Variants in CCDC191 observed in about 807,000 individuals in gnomAD.
CCDC191 encodes coiled-coil domain-containing protein 191.
A neutral mutation model predicts 114.0 loss-of-function variants in CCDC191; 99 were observed. The ratio of observed to expected loss-of-function variants is 0.87; its 90% CI spans 0.74 to 1.03. The LOEUF (loss-of-function observed/expected upper bound fraction) is 1.03. Among genes scored for constraint, CCDC191 ranks in the 50% least tolerant of loss-of-function variants. CCDC191 has a pLI of 0.00. For missense variants in CCDC191, 973 were observed against 1,087.0 expected (o/e 0.90, Z 1.47); for synonymous variants, 351 against 376.0 (o/e 0.93, Z 0.77).
At chr3:113,987,222 T>C (rs1468720429) in intron 13 of CCDC191, among the ~76,000 whole-genome samples, 1 of 148,282 alleles carries the variant, frequency 6.7e-6, no homozygotes, top group African/African-American at 2.5e-5. Context: ...CTCAGACAAA[T>C]AAAAACTGAA....
intron 16 of CCDC191, among the ~76,000 whole-genome samples, chr3:113,967,469 A>T (rs1940322419): frequency 3.3e-5 from 5 of 151,864 alleles, no homozygotes. Context: ...CTGGTTTGGC[A>T]CTTATTTATA....
chr3:114,031,950 C>T (rs1001368994), intron 6 of CCDC191, among the ~76,000 whole-genome samples, 171 bp from the exon 7 acceptor site: 1 of 151,872 alleles, frequency 6.6e-6, no homozygotes, highest in African/African-American at 2.4e-5. Flanking sequence ...TTATTTTATT[C>T]CTTTATAAAA....
At chr3:114,046,156 G>A (rs2076626464) in intron 3 of CCDC191, among the ~76,000 whole-genome samples, 2 of 152,162 alleles carry the variant, frequency 1.3e-5, no homozygotes, top group Admixed American at 1.3e-4. Flanking sequence ...GAGTTCCCCA[G>A]GGCATCAGTA....
intron 7 of CCDC191, among the ~76,000 whole-genome samples, chr3:114,027,804 C>T (rs1000162439): frequency 3.3e-5 from 5 of 152,130 alleles, no homozygotes; most frequent in African/African-American, 9.7e-5. Flanking sequence ...GTTATCTAGT[C>T]ACTCCCTGCA....
intron 13 of CCDC191, among the ~76,000 whole-genome samples, chr3:113,983,079 G>T (rs2075226243): frequency 6.6e-6 from 1 of 152,094 alleles, no homozygotes; most frequent in Non-Finnish European, 1.5e-5. Flanking sequence ...CCTAGGTCAT[G>T]AATGCTTGCT....
intron 9 of CCDC191, among the ~76,000 whole-genome samples, chr3:114,009,019 G>C (rs1214009417): frequency 6.6e-6 from 1 of 152,080 alleles, no homozygotes; most frequent in Non-Finnish European, 1.5e-5. Context: ...AATACTGTAG[G>C]CAACTGTAAC....
At chr3:114,040,081 T>C (rs988219624) in intron 4 of CCDC191, among the ~76,000 whole-genome samples, 4 of 152,206 alleles carry the variant, frequency 2.6e-5, no homozygotes, top group Non-Finnish European at 5.9e-5. Flanking sequence ...TTTTACCCTT[T>C]ATATACTGCA....
Position 114,018,858 on chromosome 3 carries a change from C to A in CCDC191, c.983G>T (p.Arg328Leu). 1 of 1,613,422 alleles carries A rather than the reference C, an allele frequency of 6.2e-7. No homozygotes were observed. The highest frequency in any genetic ancestry group is 8.5e-7 in the Non-Finnish European group (1 of 1,179,648). Residue 328 changes from arginine to leucine, a missense_variant, in exon 8 of 17, where the codon CGG (arginine) becomes CTG (leucine). Physicochemically the swap from Arg to Leu is moderately radical, Grantham distance 102 (BLOSUM62 -2). Transcript: ENST00000295878. ...TFKENQQCQK[R>L]YFAAWHKLIL... ...CAGCTTGTGCCAGGCAGCGAAATAC[C>A]GTTTTTGACACTGCAGCGGAAATAT...
intron 16 of CCDC191, among the ~76,000 whole-genome samples, chr3:113,974,611 G>A (rs563698788): frequency 4.6e-5 from 7 of 152,266 alleles, no homozygotes; most frequent in South Asian, 4.2e-4. Context: ...GAGCCACCAC[G>A]CCCGGCCAAC....
At chr3:113,980,879 A>G (rs947003088) in intron 13 of CCDC191, 86 bp from the exon 14 acceptor site, 17 of 1,251,610 alleles carry the variant, frequency 1.4e-5, no homozygotes, top group African/African-American at 1.5e-5. Context: ...TAATTTGAAC[A>G]TGTAACCATT....
intron 7 of CCDC191, among the ~76,000 whole-genome samples, chr3:114,024,781 C>T (rs1643957986): frequency 6.6e-6 from 1 of 152,138 alleles, no homozygotes; most frequent in Non-Finnish European, 1.5e-5. Flanking sequence ...GGCACACCAA[C>T]ATGGCACATA....
Position 114,036,650 on chromosome 3 carries a change from C to T in CCDC191, c.552G>A (p.Gln184=). 6.2e-7 allele frequency: 1 copy of T among 1,605,234 alleles called. No individual in the cohort carries two copies. Among genetic ancestry groups the T allele is most frequent in the Non-Finnish European group, 8.5e-7 (1 of 1,175,072 alleles). ...LGRKENQDKK[Q]QKDPRLTMEM... is the part of the protein sequence containing the mutation. Reference sequence around the variant, plus strand: ...CCATGGTAAGACGAGGATCCTTCTGCTGCTTCTTGTCTTGGTTTTCCTTCC... The same window carrying T: ...CCATGGTAAGACGAGGATCCTTCTGTTGCTTCTTGTCTTGGTTTTCCTTCC... Residue 184 remains glutamine, a synonymous_variant, in exon 5 of 17, where the codon CAG becomes CAA. Coordinates refer to ENST00000295878, the MANE Select transcript of CCDC191 (RefSeq NM_020817.2).
intron 1 of CCDC191, among the ~76,000 whole-genome samples, chr3:114,055,343 T>C (rs912883630): frequency 6.6e-6 from 1 of 152,378 alleles, no homozygotes; most frequent in Middle Eastern, 3.4e-3. Context: ...TCCATATCTA[T>C]ATCCTATCTT....
At chr3:114,032,525 A>G (rs1207086244) in intron 6 of CCDC191, among the ~76,000 whole-genome samples, 1 of 152,182 alleles carries the variant, frequency 6.6e-6, no homozygotes, top group Non-Finnish European at 1.5e-5. Context: ...GATGTGGTAA[A>G]CATAGCACCT....
At chr3:114,026,976 C>T (rs1398721998) in intron 7 of CCDC191, among the ~76,000 whole-genome samples, 1 of 152,076 alleles carries the variant, frequency 6.6e-6, no homozygotes, top group Non-Finnish European at 1.5e-5. Context: ...AAATATATTT[C>T]AGAACTGGAT....
chr3:113,973,084 A>T (rs1315318501), intron 16 of CCDC191, among the ~76,000 whole-genome samples: 1 of 152,004 alleles, frequency 6.6e-6, no homozygotes, highest in Admixed American at 6.6e-5. Context: ...TACTATGGCA[A>T]TTTTTTCTTT....
intron 16 of CCDC191, among the ~76,000 whole-genome samples, chr3:113,971,844 T>G (rs1055044693): frequency 6.6e-6 from 1 of 152,124 alleles, no homozygotes; most frequent in Admixed American, 6.5e-5. Flanking sequence ...TAATTACAGC[T>G]TCAATCTCAT....
intron 14 of CCDC191, among the ~76,000 whole-genome samples, chr3:113,979,223 C>T (rs1448661511): frequency 1.3e-5 from 2 of 152,140 alleles, no homozygotes; most frequent in Non-Finnish European, 2.9e-5. Context: ...TCAATGCCAG[C>T]TCCCTGAAGA....
Position 114,016,076 on chromosome 3 carries a change from G to A in CCDC191, c.1163+2602C>T, listed in dbSNP as rs146862900. On this transcript the variant is annotated intron_variant, in intron 8 of 16. Transcript: ENST00000295878. Reference sequence around the variant, plus strand: ...GCGGACAGGCCAGTGAGCGGAAATCGAGGTGGCAAACACACACGTCAGCGA... The same window carrying A: ...GCGGACAGGCCAGTGAGCGGAAATCAAGGTGGCAAACACACACGTCAGCGA... Among the ~76,000 whole-genome samples, 721 of 152,364 alleles carry A rather than the reference G, an allele frequency of 4.7e-3. 1 individual carries two copies. The highest frequency in any genetic ancestry group is 0.02 in the Middle Eastern group (6 of 294).
Sources: allele counts gnomAD v4.1 joint callset (sites outside exome capture counted in the v4.1 genomes callset), GRCh38; gene constraint gnomAD v4.1.1; transcripts MANE v1.5; gene names NCBI Gene and HGNC (gene_info 2026-07-23, HGNC 2026-07-21).